RIPOR3: variants seen among roughly 807,000 people sequenced by gnomAD.
RIPOR3 encodes RIPOR family member 3, also known as family with sequence similarity 65 member C.
RIPOR3 carries 95 observed loss-of-function variants against 114.3 expected under a neutral mutation model. The ratio of observed to expected loss-of-function variants is 0.83; its 90% CI spans 0.70 to 0.99. The LOEUF is 0.99. Among genes scored for constraint, RIPOR3 ranks in the 50% least tolerant of loss-of-function variants. The pLI, the probability that RIPOR3 is intolerant of heterozygous loss-of-function variation, is 0.00. For missense variants in RIPOR3, 1,252 were observed against 1,266.9 expected, an observed-to-expected ratio of 0.99 and a Z score of 0.18; for synonymous variants, 575 against 543.8, an observed-to-expected ratio of 1.06 and a Z score of -0.80.
At chr20:50,661,520 G>A (rs992858677) in intron 1 of RIPOR3, among the ~76,000 whole-genome samples, 6 of 152,300 alleles carry the variant, frequency 3.9e-5, no homozygotes, top group Admixed American at 3.3e-4. Context: ...GGCTCTTTGG[G>A]AGAGTTTACT....
chr20:50,640,008 G>T (rs231571), intron 1 of RIPOR3, among the ~76,000 whole-genome samples: 4 of 144,838 alleles, frequency 2.8e-5, no homozygotes, highest in East Asian at 4.2e-4. Context: ...TGGGCTGGAG[G>T]GTTCATTAAC....
chr20:50,609,942 C>T (rs547950292), intron 6 of RIPOR3, among the ~76,000 whole-genome samples: 1 of 148,370 alleles, frequency 6.7e-6, no homozygotes, highest in South Asian at 2.1e-4. Flanking sequence ...TCTGCCTCAC[C>T]TGCCTCACCT....
At position 50,587,742 on chromosome 20, in the gene RIPOR3, T is replaced by C. The variant is rs1479585203; in HGVS notation, c.2752+60A>G. ...TGCTGGGAGAGCTGGGTGTGGCCTC[T>C]CGCAGATTCTAAGGGCCCCAGGCAC... On this transcript the variant is annotated intron_variant, in intron 21 of 21. Transcript: ENST00000327979. 6 of 1,537,740 alleles carry C rather than the reference T, an allele frequency of 3.9e-6. No individual in the cohort carries two copies. In the African/African-American group the frequency reaches 6.8e-5, roughly 17 times the overall value.
At chr20:50,679,104 C>CAAAA (rs1215128742) in intron 1 of RIPOR3, among the ~76,000 whole-genome samples, 1 of 35,982 alleles carries the variant, frequency 2.8e-5, no homozygotes, top group African/African-American at 2.2e-4. Flanking sequence ...GATCCTGTCT[C>CAAAA]AAAAAAAAAA....
intron 11 of RIPOR3, 117 bp from the exon 12 acceptor site, chr20:50,604,891 T>C: frequency 1.6e-6 from 2 of 1,238,132 alleles, no homozygotes; most frequent in South Asian, 2.8e-5. Context: ...TACAATACAA[T>C]AGCATGGATG....
At chr20:50,687,143 C>T (rs981752821) in intron 1 of RIPOR3, among the ~76,000 whole-genome samples, 9 of 152,202 alleles carry the variant, frequency 5.9e-5, no homozygotes, top group Non-Finnish European at 1.3e-4. Flanking sequence ...GAGGACTAAT[C>T]GGGAGCCGCT....
chr20:50,684,971 G>C (rs1305627178), intron 1 of RIPOR3, among the ~76,000 whole-genome samples: 1 of 152,118 alleles, frequency 6.6e-6, no homozygotes, highest in Non-Finnish European at 1.5e-5. Flanking sequence ...TAGAGACAAA[G>C]GTCTTGCTAT....
intron 13 of RIPOR3, among the ~76,000 whole-genome samples, chr20:50,601,430 G>T (rs568182180): frequency 6.6e-6 from 1 of 152,278 alleles, no homozygotes; most frequent in African/African-American, 2.4e-5. Flanking sequence ...AACAGAGCGA[G>T]ACTTCATCTC....
intron 2 of RIPOR3, among the ~76,000 whole-genome samples, chr20:50,629,967 T>A (rs2084759962): frequency 6.6e-6 from 1 of 152,022 alleles, no homozygotes; most frequent in Non-Finnish European, 1.5e-5. Context: ...TCTTTTTTGG[T>A]GTTTTTGTGG....
At position 50,608,678 on chromosome 20, in the gene RIPOR3, T is replaced by C. The variant is rs780569515; in HGVS notation, c.745A>G (p.Ser249Gly). 6.2e-7 allele frequency: 1 copy of C among 1,614,022 alleles called. No individual in the cohort carries two copies. The highest frequency in any genetic ancestry group is 1.1e-5 in the South Asian group (1 of 91,088). Residue 249 changes from serine (S) to glycine (G), a missense_variant, in exon 10 of 22, where the codon AGC becomes GGC. Coordinates refer to ENST00000327979, the MANE Select transcript of RIPOR3 (RefSeq NM_001290268.2). ...KLKGRIESDD[S>G]QTWDEEEKAF... ...TTCTCCTCTTCGTCCCAGGTCTGGC[T>C]GTCATCTGACTCGATCCGACCCTTG...
chr20:50,608,690 C>G lies in RIPOR3; in HGVS notation c.733G>C (p.Glu245Gln). Residue 245 changes from glutamate (E) to glutamine (Q), a missense_variant, in exon 10 of 22, where the codon GAG becomes CAG. Glu to Gln is a conservative substitution (Grantham distance 29, BLOSUM62 2). Coordinates refer to ENST00000327979, the MANE Select transcript of RIPOR3 (RefSeq NM_001290268.2). ...RQRWKLKGRI[E>Q]SDDSQTWDEE... The stretch of plus-strand genomic sequence containing the variant: ...TCCCAGGTCTGGCTGTCATCTGACT[C>G]GATCCGACCCTTGAGCTTCCAACGC... The G allele has an allele frequency of 6.2e-7, 1 of 1,614,060 alleles. No individual in the cohort carries two copies. Among genetic ancestry groups the G allele is most frequent in the Non-Finnish European group, 8.5e-7 (1 of 1,179,926 alleles).
chr20:50,689,934 C>T (rs73123441), intron 1 of RIPOR3, among the ~76,000 whole-genome samples: 8,986 of 152,226 alleles, frequency 0.059, 279 homozygotes, highest in African/African-American at 0.079. Context: ...CACTCTGGCC[C>T]GATGCCTGGA....
At chr20:50,619,440 CA>C (rs11483233) in intron 3 of RIPOR3, among the ~76,000 whole-genome samples, 1,316 of 96,380 alleles carry the variant, frequency 0.014, 2 homozygotes, top group South Asian at 0.032. Context: ...GACTCCATCT[CA>C]AAAAAAAAAA....
chr20:50,588,044 T>C (rs1488311805), intron 20 of RIPOR3, 152 bp from the exon 21 acceptor site: 8 of 685,306 alleles, frequency 1.2e-5, no homozygotes, highest in African/African-American at 1.1e-4. Flanking sequence ...TTAGGTGGCC[T>C]CAGGTTCATG....
intron 1 of RIPOR3, among the ~76,000 whole-genome samples, chr20:50,688,312 G>A (rs190272854): frequency 1.4e-4 from 21 of 151,854 alleles, no homozygotes; most frequent in Middle Eastern, 3.4e-3. Flanking sequence ...CACCACACTC[G>A]GCTAGTTTTT....
At chr20:50,636,966 C>G in intron 1 of RIPOR3, 8 of 970,354 alleles carry the variant, frequency 8.2e-6, no homozygotes, top group Non-Finnish European at 9.8e-6. Flanking sequence ...CAAATGCCAG[C>G]TAGGGCTTAG....
chr20:50,592,504 A>C lies in RIPOR3; in HGVS notation c.2417T>G (p.Val806Gly), dbSNP rs368643774. 95 of 1,608,924 alleles carry C rather than the reference A, an allele frequency of 5.9e-5. No homozygotes were observed. The African/African-American group carries it at 8.8e-4, about 15-fold the overall frequency. Reference sequence around the variant, plus strand: ...CCGCTTCCCCTGCAGCTTCCGGACCACCTTGGCCTGTCCCGCACAGTGAAG... The same window carrying C: ...CCGCTTCCCCTGCAGCTTCCGGACCCCCTTGGCCTGTCCCGCACAGTGAAG... The part of the protein sequence containing the change: ...EELHCAGQAK[V>G]VRKLQGKRLG... The change falls in exon 19 of 22, where the codon GTG becomes GGG. Residue 806 changes from valine (V) to glycine (G), a missense_variant. Val to Gly is a moderately radical substitution (Grantham distance 109, BLOSUM62 -3). Transcript: ENST00000327979.
intron 3 of RIPOR3, among the ~76,000 whole-genome samples, chr20:50,617,034 C>G (rs13038422): frequency 6.6e-6 from 1 of 152,104 alleles, no homozygotes; most frequent in Non-Finnish European, 1.5e-5. Context: ...CCCAGCTACT[C>G]GGGAGGCTGA....
At position 50,656,530 on chromosome 20, in the gene RIPOR3, C is replaced by T. The variant is rs1449342417; in HGVS notation, c.4-25674G>A. Among the ~76,000 whole-genome samples, 4 of 152,168 alleles carry T rather than the reference C, an allele frequency of 2.6e-5. No individual in the cohort carries two copies. The East Asian group carries it at 7.7e-4, about 29-fold the overall frequency. The stretch of plus-strand genomic sequence containing the variant: ...GTATAGCGTATACAGTTTCCTGTTT[C>T]ACTGCCTCATTTTAGAGGCAGAGTC... On this transcript the variant is annotated intron_variant, in intron 1 of 21. Coordinates refer to ENST00000327979, the MANE Select transcript of RIPOR3 (RefSeq NM_001290268.2).
Sources: gnomAD v4.1 joint callset for allele counts (sites outside exome capture counted in the v4.1 genomes callset) on GRCh38, gnomAD v4.1.1 for gene constraint, MANE v1.5 for transcripts, NCBI Gene and HGNC (gene_info 2026-07-23, HGNC 2026-07-21) for gene names.